Variants in RAPGEF2 observed in about 807,000 individuals in gnomAD.
RAPGEF2 encodes the protein PDZ domain containing guanine nucleotide exchange factor (GEF) 1.
Under a neutral mutation model 186.7 loss-of-function variants are expected in RAPGEF2, and 54 were observed. The observed-to-expected ratio is 0.29, with a 90% CI of 0.23 to 0.36. The LOEUF (loss-of-function observed/expected upper bound fraction) is 0.36. Ranked by LOEUF, RAPGEF2 falls within the 10% of genes least tolerant of loss-of-function variation. RAPGEF2 has a pLI of 1.00. For missense variants in RAPGEF2, 1,532 were observed against 2,045.0 expected, an observed-to-expected ratio of 0.75 and a Z score of 4.84; for synonymous variants, 712 against 705.9, an observed-to-expected ratio of 1.01 and a Z score of -0.14.
chr4:159,352,711 G>C lies in RAPGEF2; in HGVS notation c.3892G>C (p.Val1298Leu), dbSNP rs778997386. The C allele has an allele frequency of 1.2e-6, 2 of 1,614,064 alleles. No homozygotes were observed. The highest frequency in any genetic ancestry group is 2.7e-5 in the African/African-American group (2 of 75,064). Reference protein sequence around the residue: ...KGYTLAPSGTVDNFSDSGHSE... With the variant: ...KGYTLAPSGTLDNFSDSGHSE... ...CTATACTTTGGCTCCCAGTGGTACT[G>C]TGGATAATTTTTCAGATTCTGGTCA... Residue 1298 changes from valine (V) to leucine (L), a missense_variant, in exon 27 of 30, where the codon GTG (valine) becomes CTG (leucine). Val to Leu is a conservative substitution (Grantham distance 32). Around this residue, in one of 4 missense-constraint regions of RAPGEF2, gnomAD observed 594 missense variants for 608.5 expected, o/e 0.98. Transcript: ENST00000691494.
At chr4:159,328,973 A>G (rs1042616016) in intron 11 of RAPGEF2, 1 of 152,172 alleles carries the variant, frequency 6.6e-6, no homozygotes, top group Admixed American at 6.5e-5. Flanking sequence ...AGGTGGTTGC[A>G]TCATATTTTA....
At chr4:159,110,504 G>A (rs1192695025) in intron 1 of RAPGEF2, among the ~76,000 whole-genome samples, 3 of 152,144 alleles carry the variant, frequency 2.0e-5, no homozygotes, top group Non-Finnish European at 2.9e-5. Context: ...CTTGAACCCT[G>A]GAGGCAGAGG....
At chr4:159,257,894 T>A (rs550780398) in intron 7 of RAPGEF2, among the ~76,000 whole-genome samples, 17 of 152,312 alleles carry the variant, frequency 1.1e-4, no homozygotes, top group Middle Eastern at 3.4e-3. Flanking sequence ...TAGTATTGTC[T>A]TGGCTATATG....
chr4:159,121,318 A>G (rs1204616755), intron 1 of RAPGEF2, among the ~76,000 whole-genome samples: 1 of 151,906 alleles, frequency 6.6e-6, no homozygotes, highest in Non-Finnish European at 1.5e-5. Flanking sequence ...CTACTCATAC[A>G]TGGACCTCTC....
intron 4 of RAPGEF2, among the ~76,000 whole-genome samples, chr4:159,233,696 C>G (rs964140253): frequency 6.6e-6 from 1 of 151,658 alleles, no homozygotes; most frequent in Admixed American, 6.6e-5. Context: ...GATGGGGGCA[C>G]CAAAATCTCA....
chr4:159,296,642 T>C (rs777091809), intron 7 of RAPGEF2, among the ~76,000 whole-genome samples: 4 of 152,064 alleles, frequency 2.6e-5, no homozygotes, highest in Non-Finnish European at 4.4e-5. Flanking sequence ...TTTTTAAGAG[T>C]GTTGTAAAAA....
chr4:159,267,929 T>C (rs1489446355), intron 7 of RAPGEF2: 2 of 1,296,712 alleles, frequency 1.5e-6, no homozygotes, highest in African/African-American at 1.5e-5. Context: ...AGAGTTTCAA[T>C]GTTATAAAAA....
chr4:159,131,250 A>G (rs895677561), intron 1 of RAPGEF2, among the ~76,000 whole-genome samples: 2 of 152,156 alleles, frequency 1.3e-5, no homozygotes, highest in Non-Finnish European at 2.9e-5. Flanking sequence ...AGCTGGGATT[A>G]CAGGCATATG....
intron 1 of RAPGEF2, among the ~76,000 whole-genome samples, chr4:159,145,515 ACCAAAAACATTTG>A (rs1340171855): frequency 2.7e-5 from 4 of 145,786 alleles, no homozygotes; most frequent in East Asian, 2.0e-4. Flanking sequence ...CAAAAACATT[ACCAAAAACATTTG>A]CCAAAAACAT....
intron 1 of RAPGEF2, among the ~76,000 whole-genome samples, chr4:159,123,839 T>C (rs1739990211): frequency 6.7e-6 from 1 of 150,176 alleles, no homozygotes; most frequent in Non-Finnish European, 1.5e-5. Context: ...GTTTTACTTT[T>C]GTTGTTGTTA....
Position 159,271,183 on chromosome 4 carries a change from C to G in RAPGEF2, c.543+27392C>G, listed in dbSNP as rs148367205. On this transcript the variant is annotated intron_variant, in intron 7 of 29. Coordinates refer to ENST00000691494, the MANE Select transcript of RAPGEF2 (RefSeq NM_001394067.2). The stretch of plus-strand genomic sequence containing the variant: ...TAAAGTGGAGCTCTTCTCTCCCCAT[C>G]TTGCCCAGCTCAGATGCCTTTGAAA... 2.6e-5 allele frequency among the ~76,000 whole-genome samples: 4 copies of G among 152,242 alleles called. No homozygotes were observed. The East Asian group carries it at 7.7e-4, about 29-fold the overall frequency.
intron 19 of RAPGEF2, among the ~76,000 whole-genome samples, chr4:159,340,976 A>AC (rs1181912996): frequency 6.6e-6 from 1 of 152,140 alleles, no homozygotes; most frequent in Non-Finnish European, 1.5e-5. Flanking sequence ...CTATCCACTT[A>AC]CCTGTAGAGT....
chr4:159,350,204 C>G lies in RAPGEF2; in HGVS notation c.3780C>G (p.His1260Gln), dbSNP rs1408841048. ...SLSEEGSLER[H>Q]KKQAEDTISN... Reference sequence around the variant, plus strand: ...CTGAAGAAGGAAGTTTGGAACGTCACAAGAAACAGGCTGAAGATACAATAT... The same window carrying G: ...CTGAAGAAGGAAGTTTGGAACGTCAGAAGAAACAGGCTGAAGATACAATAT... The change falls in exon 26 of 30, where the codon CAC becomes CAG. Residue 1260 changes from histidine (H) to glutamine (Q), a missense_variant. His to Gln is a conservative substitution (Grantham distance 24). This residue lies in a region of RAPGEF2 where 594 missense variants were observed against 608.5 expected (regional missense o/e 0.98). Coordinates refer to ENST00000691494, the MANE Select transcript of RAPGEF2 (RefSeq NM_001394067.2). 2 of 1,594,332 alleles carry G rather than the reference C, an allele frequency of 1.3e-6. No individual in the cohort carries two copies. Among genetic ancestry groups the G allele is most frequent in the Admixed American group, 1.7e-5 (1 of 58,090 alleles).
chr4:159,208,022 C>A (rs1215950464), intron 3 of RAPGEF2, among the ~76,000 whole-genome samples: 1 of 152,100 alleles, frequency 6.6e-6, no homozygotes. Flanking sequence ...CTTTAGAAAT[C>A]TTTTTATTTT....
At chr4:159,341,086 G>C (rs879754687) in intron 19 of RAPGEF2, among the ~76,000 whole-genome samples, 2 of 152,026 alleles carry the variant, frequency 1.3e-5, no homozygotes, top group South Asian at 2.1e-4. Flanking sequence ...TTAGGTATTT[G>C]AATAAATAAG....
At chr4:159,274,145 G>A (rs1047137197) in intron 7 of RAPGEF2, among the ~76,000 whole-genome samples, 1 of 151,990 alleles carries the variant, frequency 6.6e-6, no homozygotes, top group Non-Finnish European at 1.5e-5. Context: ...AATTTATTCA[G>A]GTAATCTATT....
At chr4:159,200,153 A>G (rs766245625) in intron 3 of RAPGEF2, among the ~76,000 whole-genome samples, 36 of 151,878 alleles carry the variant, frequency 2.4e-4, no homozygotes, top group Middle Eastern at 3.4e-3. Flanking sequence ...CCTTCCTTTC[A>G]TGTTAAAAAT....
chr4:159,199,565 G>A (rs1364569243), intron 3 of RAPGEF2, among the ~76,000 whole-genome samples: 1 of 151,992 alleles, frequency 6.6e-6, no homozygotes. Flanking sequence ...AAAATGGCTG[G>A]TTACACATCA....
intron 24 of RAPGEF2, 59 bp downstream of exon 24, chr4:159,345,388 G>A (rs1355123173): frequency 9.3e-6 from 14 of 1,498,942 alleles, no homozygotes; most frequent in Admixed American, 1.7e-5. Context: ...TGTTTCCTGT[G>A]CAGTGGTATG....
Sources: gnomAD v4.1 joint callset for allele counts (sites outside exome capture counted in the v4.1 genomes callset) on GRCh38, gnomAD v4.1.1 for gene constraint, gnomAD v4.1.1 regional missense constraint, MANE v1.5 for transcripts, NCBI Gene and HGNC (gene_info 2026-07-23, HGNC 2026-07-21) for gene names.